The following LAMC1 variants were observed in gnomAD, a reference collection of about 807,000 sequenced individuals.
LAMC1 encodes laminin subunit gamma-1.
In LAMC1, 38 loss-of-function variants were observed where a neutral mutation model predicts 173.6. The ratio of observed to expected loss-of-function variants is 0.22; its 90% confidence interval spans 0.17 to 0.29. The LOEUF (loss-of-function observed/expected upper bound fraction) is 0.29, where lower values mean the gene tolerates loss of function less well. Ranked by LOEUF, LAMC1 falls within the 10% of genes least tolerant of loss-of-function variation. The pLI is 1.00. For synonymous variants in LAMC1, 746 were observed against 749.1 expected, an observed-to-expected ratio of 1.00 and a Z score of 0.07; for missense variants, 1,824 against 2,051.8, an observed-to-expected ratio of 0.89 and a Z score of 2.14.
chr1:183,068,630 T>G (rs1027542986), intron 1 of LAMC1, among the ~76,000 whole-genome samples: 2 of 152,156 alleles, frequency 1.3e-5, no homozygotes, highest in Non-Finnish European at 2.9e-5. Flanking sequence ...AATTCATGAC[T>G]TTTTTAGGTT....
rs767169509 is a variant in LAMC1, at chr1:183,103,437, G to A, written c.528G>A (p.Gln176=). Residue 176 remains glutamine, a synonymous_variant, in exon 2 of 28, where the codon CAG becomes CAA. Transcript: ENST00000258341. ...TREDGPWIPY[Q]YYSGSCENTY... The stretch of plus-strand genomic sequence containing the variant: ...AAGACGGGCCCTGGATTCCTTACCA[G>A]TACTACAGTGGTTCCTGTGAGAACA... 1 of 1,614,160 alleles carries A rather than the reference G, an allele frequency of 6.2e-7. No homozygotes were observed. Among genetic ancestry groups the A allele is most frequent in the South Asian group, 1.1e-5 (1 of 91,084 alleles).
In LAMC1 at chr1:183,042,637, A is replaced by G. The variant is rs556864534; in HGVS notation, c.418+18503A>G. ...TGGCTGGCAGTTGTAGGGAGTGGAT[A>G]TAGAAAAATAGGGACCACGCTCACT... On this transcript the variant is annotated intron_variant, in intron 1 of 27. Transcript: ENST00000258341. 2.7e-4 allele frequency among the ~76,000 whole-genome samples: 41 copies of G among 152,284 alleles called. No homozygotes were observed. In the East Asian group the frequency reaches 4.4e-3, roughly 16 times the overall value.
At chr1:183,067,698 G>T (rs190781276) in intron 1 of LAMC1, among the ~76,000 whole-genome samples, 147 of 152,050 alleles carry the variant, frequency 9.7e-4, no homozygotes, top group South Asian at 1.7e-3. Context: ...TACTGTATTG[G>T]CCAGGCTGGT....
At chr1:183,068,984 C>A (rs967599355) in intron 1 of LAMC1, among the ~76,000 whole-genome samples, 1 of 152,044 alleles carries the variant, frequency 6.6e-6, no homozygotes, top group African/African-American at 2.4e-5. Context: ...TACTTTATAT[C>A]AGTGGTCCCC....
chr1:183,133,689 A>G, intron 22 of LAMC1, 139 bp downstream of exon 22: 1 of 804,882 alleles, frequency 1.2e-6, no homozygotes, highest in Non-Finnish European at 1.8e-6. Flanking sequence ...CGCTAATAGA[A>G]CTTACCAAGG....
At chr1:183,130,660 T>C (rs1339785971) in intron 19 of LAMC1, 111 bp downstream of exon 19, 1 of 785,258 alleles carries the variant, frequency 1.3e-6, no homozygotes, top group African/African-American at 1.7e-5. Flanking sequence ...CCATGCATCT[T>C]TTTATTTGTC....
At chr1:183,140,569 T>C (rs1657086991) in intron 27 of LAMC1, 66 bp downstream of exon 27, 3 of 984,620 alleles carry the variant, frequency 3.0e-6, no homozygotes, top group East Asian at 2.6e-5. Context: ...GGATCTGATA[T>C]AGTACAGTTG....
intron 22 of LAMC1, 112 bp from the exon 23 acceptor site, chr1:183,134,548 A>G (rs920612035): frequency 1.2e-6 from 1 of 811,466 alleles, no homozygotes; most frequent in African/African-American, 1.7e-5. Flanking sequence ...TGATCTGTGC[A>G]GTTCTTTTAA....
At chr1:183,059,968 A>G (rs1386407570) in intron 1 of LAMC1, among the ~76,000 whole-genome samples, 1 of 152,202 alleles carries the variant, frequency 6.6e-6, no homozygotes, top group Non-Finnish European at 1.5e-5. Flanking sequence ...CACATGTTCC[A>G]TGATGGCAGC....
chr1:183,129,579 A>G, intron 18 of LAMC1, among the ~76,000 whole-genome samples: 1 of 147,844 alleles, frequency 6.8e-6, no homozygotes. Flanking sequence ...TTTTTTTCCC[A>G]CATTCCTTAG....
chr1:183,064,374 A>G (rs1442386217), intron 1 of LAMC1, among the ~76,000 whole-genome samples: 3 of 152,190 alleles, frequency 2.0e-5, no homozygotes, highest in Non-Finnish European at 4.4e-5. Context: ...ATAGCATGTG[A>G]CTGTATTGAA....
intron 1 of LAMC1, among the ~76,000 whole-genome samples, chr1:183,041,741 G>C (rs1161022283): frequency 6.6e-6 from 1 of 152,168 alleles, no homozygotes; most frequent in Non-Finnish European, 1.5e-5. Flanking sequence ...CAAAGGACCT[G>C]ACCTAGGGAG....
chr1:183,121,010 C>T (rs892299227), intron 11 of LAMC1, among the ~76,000 whole-genome samples: 9 of 152,194 alleles, frequency 5.9e-5, no homozygotes, highest in Admixed American at 6.5e-5. Flanking sequence ...TTTCCCCCCA[C>T]ACTCTTGTTC....
chr1:183,123,743 A>G (rs908766648), intron 13 of LAMC1, among the ~76,000 whole-genome samples: 1 of 152,202 alleles, frequency 6.6e-6, no homozygotes, highest in Non-Finnish European at 1.5e-5. Flanking sequence ...GTCTTCACCA[A>G]CCGCTGCATA....
intron 3 of LAMC1, among the ~76,000 whole-genome samples, chr1:183,110,253 A>G (rs528162827): frequency 6.6e-6 from 1 of 152,304 alleles, no homozygotes; most frequent in East Asian, 1.9e-4. Flanking sequence ...AGCCTCAGAA[A>G]TTGTTAGGGA....
At chr1:183,084,806 A>G (rs572355110) in intron 1 of LAMC1, among the ~76,000 whole-genome samples, 36 of 152,356 alleles carry the variant, frequency 2.4e-4, no homozygotes, top group Admixed American at 7.2e-4. Flanking sequence ...ATTTTACTCA[A>G]TGTGAATATT....
rs779858196 is a variant in LAMC1, at chr1:183,136,438, G to A, written c.4167G>A (p.Arg1389=). Reference sequence around the variant, plus strand: ...AGACGGCCGCAGAGGAGGCACTAAGGAAGATTCCTGCCATCAACCAGACCA... The same window carrying A: ...AGACGGCCGCAGAGGAGGCACTAAGAAAGATTCCTGCCATCAACCAGACCA... ...DNKTAAEEAL[R]KIPAINQTIT... The change falls in exon 25 of 28, where the codon AGG becomes AGA. Residue 1389 remains arginine (R), a synonymous_variant. Transcript: ENST00000258341. The A allele has an allele frequency of 1.2e-6, 2 of 1,614,194 alleles. No individual in the cohort carries two copies. Among genetic ancestry groups the A allele is most frequent in the South Asian group, 2.2e-5 (2 of 91,080 alleles).
intron 4 of LAMC1, 45 bp downstream of exon 4, chr1:183,110,699 C>T (rs1656124286): frequency 6.3e-7 from 1 of 1,581,806 alleles, no homozygotes; most frequent in Non-Finnish European, 8.6e-7. Context: ...TTAAGGACTT[C>T]CAAGGGTGGA....
intron 1 of LAMC1, among the ~76,000 whole-genome samples, chr1:183,052,787 A>G (rs1206097799): frequency 1.3e-5 from 2 of 152,226 alleles, no homozygotes; most frequent in Non-Finnish European, 2.9e-5. Flanking sequence ...TTGAGAATAA[A>G]GAAGGTTCTA....
Sources: gnomAD v4.1 joint callset for allele counts (sites outside exome capture counted in the v4.1 genomes callset) on GRCh38, gnomAD v4.1.1 for gene constraint, MANE v1.5 for transcripts, NCBI Gene and HGNC (gene_info 2026-07-23, HGNC 2026-07-21) for gene names.